Variants in FASTKD2 observed in about 807,000 individuals in gnomAD.
FASTKD2 encodes FAST kinase domains 2, also known as FAST kinase domain-containing protein 2, mitochondrial.
Under a neutral mutation model 63.6 loss-of-function variants are expected in FASTKD2, and 51 were observed. That is an observed-to-expected ratio of 0.80 (90% CI 0.64 to 1.01). The LOEUF (loss-of-function observed/expected upper bound fraction) is 1.01. Ranked by LOEUF, FASTKD2 falls within the 50% of genes least tolerant of loss-of-function variation. FASTKD2 has a pLI of 0.00. For missense variants in FASTKD2, 786 were observed against 831.1 expected, an observed-to-expected ratio of 0.95 and a Z score of 0.67; for synonymous variants, 284 against 293.4, an observed-to-expected ratio of 0.97 and a Z score of 0.33.
chr2:206,794,137 C>CAT lies in FASTKD2; in HGVS notation c.*2336_*2337dup, dbSNP rs553376884. Among the ~76,000 whole-genome samples, 9 of 152,252 alleles carry CAT rather than the reference C, an allele frequency of 5.9e-5. No homozygotes were observed. The highest frequency in any genetic ancestry group is 1.9e-4 in the African/African-American group (8 of 41,538). ...TTTGACGTACATACACACACACACA[C>CAT]ATCTGTGAAACCACAATCAAGATAA... is the stretch of plus-strand genomic sequence containing the variant. On this transcript the variant is annotated 3_prime_UTR_variant, in exon 12 of 12. Coordinates refer to ENST00000402774, the MANE Select transcript of FASTKD2 (RefSeq NM_001136193.2).
chr2:206,774,130 A>G, intron 6 of FASTKD2, 95 bp from the exon 7 acceptor site: 1 of 767,854 alleles, frequency 1.3e-6, no homozygotes, highest in South Asian at 1.5e-5. Context: ...TGATCAGGAC[A>G]GTTGAATTGC....
chr2:206,767,391 T>C lies in FASTKD2; in HGVS notation c.698T>C (p.Leu233Pro). 1 of 1,613,906 alleles carries C rather than the reference T, an allele frequency of 6.2e-7. No individual in the cohort carries two copies. The highest frequency in any genetic ancestry group is 2.2e-5 in the East Asian group (1 of 44,880). ...EAKIMQYKYL[L>P]FSLHAIVKLG... ...AAGATCATGCAGTATAAGTACCTAC[T>C]GTTCAGTCTTCACGCCATAGTGAAG... Residue 233 changes from leucine to proline, a missense_variant, in exon 2 of 12, where the codon CTG becomes CCG. Transcript: ENST00000402774.
At chr2:206,781,304 A>AT (rs71034473) in intron 7 of FASTKD2, among the ~76,000 whole-genome samples, 26,034 of 75,528 alleles carry the variant, frequency 0.34, 7,226 homozygotes, top group South Asian at 0.53. Context: ...TTTTTCTATG[A>AT]TTTTTTTTTT....
chr2:206,781,950 A>G (rs7594645), intron 7 of FASTKD2, among the ~76,000 whole-genome samples: 11,572 of 152,174 alleles, frequency 0.076, 558 homozygotes, highest in African/African-American at 0.13. Context: ...TGTTGAAGAC[A>G]TGCTCCACTC....
In FASTKD2 at chr2:206,789,245, A is replaced by C. The variant is rs1038957723; in HGVS notation, c.1898+342A>C. On this transcript the variant is annotated intron_variant, in intron 10 of 11. Transcript: ENST00000402774. ...ATATAATAGTGATCATAAAGAATAA[A>C]GACTCGAGGCTTCTACAAAAATCAA... 5.1e-5 allele frequency: 10 copies of C among 194,534 alleles called. No homozygotes were observed. In the South Asian group the frequency reaches 6.5e-4, roughly 13 times the overall value. 12.1% of individuals were successfully genotyped at this position (194,534 alleles called of 1,614,324 possible).
At chr2:206,783,280 G>A (rs1485175751) in intron 7 of FASTKD2, 1 of 148,276 alleles carries the variant, frequency 6.7e-6, no homozygotes, top group African/African-American at 2.5e-5. Context: ...ACAACAGGCT[G>A]CACCGGAGAC....
In FASTKD2 at chr2:206,795,080, C is replaced by A. The variant is rs1464194407; in HGVS notation, c.*3278C>A. On this transcript the variant is annotated 3_prime_UTR_variant, in exon 12 of 12. Transcript: ENST00000402774. ...CTTCACACAGCACATCACAGCCAGG[C>A]AGCAAAGGACAGATCTCTCTCATAC... Among the ~76,000 whole-genome samples the A allele has an allele frequency of 6.6e-6, 1 of 152,200 alleles. No homozygotes were observed. The highest frequency in any genetic ancestry group is 6.5e-5 in the Admixed American group (1 of 15,282).
In FASTKD2 at chr2:206,795,993, C is replaced by T. The variant is rs1230199733; in HGVS notation, c.*4191C>T. Among the ~76,000 whole-genome samples, 6 of 152,176 alleles carry T rather than the reference C, an allele frequency of 3.9e-5. No individual in the cohort carries two copies. Among genetic ancestry groups the T allele is most frequent in the African/African-American group, 1.4e-4 (6 of 41,442 alleles). ...TTCCTGGAAGTCAGACTAAAGGCTG[C>T]TCCTTCAGCCTTTCCATTCATCTTG... On this transcript the variant is annotated 3_prime_UTR_variant, in exon 12 of 12. Transcript: ENST00000402774.
rs768726261 is a variant in FASTKD2, at chr2:206,790,559, T to C, written c.1899-13T>C. ...TCAATAACTGTTCTTGTTTTGTTTA[T>C]TTTTGTTTTCAGAGTAGCTGTGCTA... is the stretch of plus-strand genomic sequence containing the variant. On this transcript the variant is annotated splice_polypyrimidine_tract_variant and intron_variant, in intron 10 of 11. Transcript: ENST00000402774. 6.8e-7 allele frequency: 1 copy of C among 1,473,018 alleles called. No homozygotes were observed. Among genetic ancestry groups the C allele is most frequent in the Non-Finnish European group, 9.5e-7 (1 of 1,052,018 alleles). The allele number at this position is 1,473,018 out of a possible 1,614,324, so 91.2% of individuals were successfully genotyped here. A position where few individuals can be genotyped will look rare whatever the true frequency, so the allele number is the denominator to read the frequency against.
In FASTKD2 at chr2:206,765,713, C is replaced by G. The variant is rs1437316223; in HGVS notation, c.-85C>G. ...CCCGTATCACATCCTAGACTTTTTA[C>G]TTCGAGGAGAAGAGTCTCACGAGTT... On this transcript the variant is annotated 5_prime_UTR_variant, in exon 1 of 12. Coordinates refer to ENST00000402774, the MANE Select transcript of FASTKD2 (RefSeq NM_001136193.2). The G allele has an allele frequency of 5.7e-6, 1 of 176,132 alleles. No individual in the cohort carries two copies. The highest frequency in any genetic ancestry group is 1.8e-4 in the East Asian group (1 of 5,432). The allele number at this position is 176,132 out of a possible 1,614,324, so 10.9% of individuals were successfully genotyped here. A position where few individuals can be genotyped will look rare whatever the true frequency, so the allele number is the denominator to read the frequency against.
At position 206,793,051 on chromosome 2, in the gene FASTKD2, A is replaced by G. The variant is rs952395893; in HGVS notation, c.*1249A>G. On this transcript the variant is annotated 3_prime_UTR_variant, in exon 12 of 12. Coordinates refer to ENST00000402774, the MANE Select transcript of FASTKD2 (RefSeq NM_001136193.2). ...ATCCTGGCCAACACGGTGAAACCCC[A>G]TCTCTACTAAAATACAAAAAATTAG... Among the ~76,000 whole-genome samples, 8 of 151,842 alleles carry G rather than the reference A, an allele frequency of 5.3e-5. No homozygotes were observed. The highest frequency in any genetic ancestry group is 1.7e-4 in the African/African-American group (7 of 41,296).
intron 2 of FASTKD2, among the ~76,000 whole-genome samples, chr2:206,768,826 A>C (rs80054424): frequency 0.013 from 2,050 of 152,352 alleles, 50 homozygotes; most frequent in African/African-American, 0.047. Flanking sequence ...TTTTTACATT[A>C]CTGTGATTTC....
In FASTKD2 at chr2:206,791,900, C is replaced by CA. The variant is rs1333713969; in HGVS notation, c.*104dup. The CA allele has an allele frequency of 2.7e-6, 3 of 1,097,210 alleles. No homozygotes were observed. The highest frequency in any genetic ancestry group is 4.0e-6 in the Non-Finnish European group (3 of 746,508). 68.0% of individuals were successfully genotyped at this position (1,097,210 alleles called of 1,614,324 possible). Reference sequence around the variant, plus strand: ...AATGGAATTGAGCTATCTGCTAAGACAAAAAATGTTACCTCAGTTCACTAT... The same window carrying CA: ...AATGGAATTGAGCTATCTGCTAAGACAAAAAAATGTTACCTCAGTTCACTAT... On this transcript the variant is annotated 3_prime_UTR_variant, in exon 12 of 12. Coordinates refer to ENST00000402774, the MANE Select transcript of FASTKD2 (RefSeq NM_001136193.2).
chr2:206,777,342 A>G (rs1689849050), intron 7 of FASTKD2, among the ~76,000 whole-genome samples: 1 of 152,082 alleles, frequency 6.6e-6, no homozygotes, highest in Non-Finnish European at 1.5e-5. Flanking sequence ...GGTGAGGCAC[A>G]TTTCTTCTAT....
rs3762569 is a variant in FASTKD2 at position 206,770,870 on chromosome 2, G to T, written c.882-312G>T. Among the ~76,000 whole-genome samples the T allele has an allele frequency of 0.12, 18,021 of 152,084 alleles. 1,507 individuals carry two copies. Among genetic ancestry groups the T allele is most frequent in the African/African-American group, 0.24 (10,008 of 41,426 alleles). On this transcript the variant is annotated intron_variant, in intron 3 of 11. Coordinates refer to ENST00000402774, the MANE Select transcript of FASTKD2 (RefSeq NM_001136193.2). Reference sequence around the variant, plus strand: ...AGGGATTTATAAAATTGATATAAATGATCTAATGTCATAGATTAGTGAGAG... The same window carrying T: ...AGGGATTTATAAAATTGATATAAATTATCTAATGTCATAGATTAGTGAGAG...
At chr2:206,785,726 T>A (rs192953543) in intron 7 of FASTKD2, among the ~76,000 whole-genome samples, 1 of 152,184 alleles carries the variant, frequency 6.6e-6, no homozygotes, top group Non-Finnish European at 1.5e-5. Context: ...ATCTGTTATA[T>A]TCCTCCCATT....
At position 206,788,850 on chromosome 2, in the gene FASTKD2, TCAAGTGCTA is replaced by T. The variant is rs756170872; in HGVS notation, c.1847_1855del (p.Gln616_Leu618del). The T allele has an allele frequency of 7.6e-6, 12 of 1,586,406 alleles. No homozygotes were observed. Among genetic ancestry groups the T allele is most frequent in the Non-Finnish European group, 9.5e-6 (11 of 1,155,244 alleles). On this transcript the variant is annotated inframe_deletion, in exon 10 of 12. Coordinates refer to ENST00000402774, the MANE Select transcript of FASTKD2 (RefSeq NM_001136193.2). ...AAATCAGAATGGACACTAACAGGAA[TCAAGTGCTA>T]CCACTTTCTGATGTGGATACAACTT... is the stretch of plus-strand genomic sequence containing the variant.
rs115008390 is a variant in FASTKD2 at position 206,781,133 on chromosome 2, A to G, written c.1428-5600A>G. ...ACTGGACATTTATTTTGGTACTTTG[A>G]TTGTGTTACATTTCCCTGATGCTCT... On this transcript the variant is annotated intron_variant, in intron 7 of 11. Coordinates refer to ENST00000402774, the MANE Select transcript of FASTKD2 (RefSeq NM_001136193.2). Among the ~76,000 whole-genome samples the G allele has an allele frequency of 9.8e-3, 1,483 of 151,854 alleles. 26 individuals are homozygous for G. Among genetic ancestry groups the G allele is most frequent in the African/African-American group, 0.033 (1,355 of 41,392 alleles).
intron 7 of FASTKD2, among the ~76,000 whole-genome samples, chr2:206,784,684 T>C (rs990478038): frequency 2.0e-5 from 3 of 152,178 alleles, no homozygotes; most frequent in African/African-American, 7.2e-5. Flanking sequence ...TCACTGCACA[T>C]CCCAGAAGTG....
Sources: gnomAD v4.1 joint callset for allele counts (sites outside exome capture counted in the v4.1 genomes callset) on GRCh38, gnomAD v4.1.1 for gene constraint, MANE v1.5 for transcripts, NCBI Gene and HGNC (gene_info 2026-07-23, HGNC 2026-07-21) for gene names.